Variants in KLHL5 observed in about 807,000 individuals in gnomAD.
KLHL5 encodes kelch-like protein 5.
A neutral mutation model predicts 77.7 loss-of-function variants in KLHL5; 48 were observed. The ratio of observed to expected loss-of-function variants is 0.62; its 90% CI spans 0.49 to 0.79. The LOEUF (loss-of-function observed/expected upper bound fraction) is 0.79. Ranked by LOEUF, KLHL5 falls within the 30% of genes least tolerant of loss-of-function variation. KLHL5 has a pLI of 0.00. For synonymous variants in KLHL5, 260 were observed against 297.0 expected (o/e 0.88, Z 1.28); for missense variants, 723 against 859.7 (o/e 0.84, Z 1.99).
At position 39,076,015 on chromosome 4, in the gene KLHL5, G is replaced by T; in HGVS notation, c.434G>T (p.Cys145Phe). 6.2e-7 allele frequency: 1 copy of T among 1,612,532 alleles called. No individual in the cohort carries two copies. Among genetic ancestry groups the T allele is most frequent in the Non-Finnish European group, 8.5e-7 (1 of 1,179,538 alleles). Reference sequence around the variant, plus strand: ...TCATCCTGTCATACTATGGAGCCATGTACATCAGATGAATTTTTCCAAGCC... The same window carrying T: ...TCATCCTGTCATACTATGGAGCCATTTACATCAGATGAATTTTTCCAAGCC... The part of the protein sequence containing the change: ...TLSSCHTMEP[C>F]TSDEFFQALN... Residue 145 changes from cysteine (C) to phenylalanine (F), a missense_variant, in exon 2 of 11, where the codon TGT becomes TTT. Physicochemically the swap from Cys to Phe is radical, Grantham distance 205. Coordinates refer to ENST00000504108, the MANE Select transcript of KLHL5 (RefSeq NM_015990.5).
chr4:39,088,208 G>T (rs184287326), intron 5 of KLHL5, among the ~76,000 whole-genome samples: 2 of 152,134 alleles, frequency 1.3e-5, no homozygotes, highest in African/African-American at 4.8e-5. Flanking sequence ...TGTAGTTTCA[G>T]ATATTTATGA....
intron 6 of KLHL5, among the ~76,000 whole-genome samples, chr4:39,102,831 G>A (rs561497920): frequency 6.6e-6 from 1 of 152,112 alleles, no homozygotes; most frequent in East Asian, 1.9e-4. Flanking sequence ...TCCCAGTCAC[G>A]TCTCAACCAC....
chr4:39,062,387 G>C lies in KLHL5; in HGVS notation c.-266G>C. The C allele has an allele frequency of 1.4e-6, 2 of 1,451,688 alleles. No individual in the cohort carries two copies. The highest frequency in any genetic ancestry group is 2.5e-5 in the East Asian group (1 of 40,236). 89.9% of individuals were successfully genotyped at this position (1,451,688 alleles called of 1,614,324 possible). On this transcript the variant is annotated 5_prime_UTR_variant, in exon 1 of 11. Transcript: ENST00000504108. ...GGAGAGCCGGGAAAGTGGTCTAGCT[G>C]CTTCAGGATAGGTGGATGAGAGTTT...
chr4:39,119,801 A>G (rs1723087777), intron 10 of KLHL5, among the ~76,000 whole-genome samples: 1 of 152,236 alleles, frequency 6.6e-6, no homozygotes, highest in South Asian at 2.1e-4. Context: ...TCAGCTATTC[A>G]CAATGTAGAG....
At chr4:39,132,259 G>T in the KLHL5 span, among the ~76,000 whole-genome samples, 4 of 152,118 alleles carry the variant, frequency 2.6e-5, no homozygotes, top group African/African-American at 7.2e-5. Context: ...CCAGATTCAC[G>T]TTACTTGAAA....
intron 5 of KLHL5, among the ~76,000 whole-genome samples, chr4:39,088,790 A>G (rs1720272190): frequency 6.6e-6 from 1 of 152,214 alleles, no homozygotes; most frequent in African/African-American, 2.4e-5. Context: ...AAGAGGGGGC[A>G]TGATAACCAG....
In KLHL5 at chr4:39,125,662, GA is replaced by G. The variant is rs1723497155; in HGVS notation, c.*4599del. Among the ~76,000 whole-genome samples, 3 of 152,324 alleles carry G rather than the reference GA, an allele frequency of 2.0e-5. No homozygotes were observed. In the South Asian group the frequency reaches 6.2e-4, roughly 32 times the overall value. On this transcript the variant is annotated 3_prime_UTR_variant, in exon 11 of 11. Coordinates refer to ENST00000504108, the MANE Select transcript of KLHL5 (RefSeq NM_015990.5). The stretch of plus-strand genomic sequence containing the variant: ...CAAAATAGGCAAATCCATGGAGACA[GA>G]AAGCAGATAAATGGTTGTAAGAAGC...
intron 2 of KLHL5, among the ~76,000 whole-genome samples, chr4:39,078,334 C>T (rs541463184): frequency 5.9e-5 from 9 of 151,790 alleles, no homozygotes; most frequent in East Asian, 3.9e-4. Context: ...TGCAGTGAAC[C>T]GAGATCACGC....
chr4:39,065,493 AC>A (rs1307285372), intron 1 of KLHL5, among the ~76,000 whole-genome samples: 7 of 151,884 alleles, frequency 4.6e-5, no homozygotes, highest in African/African-American at 1.4e-4. Flanking sequence ...ATCTGGGACT[AC>A]AGACATGTGC....
At chr4:39,065,387 G>A (rs1041964446) in intron 1 of KLHL5, among the ~76,000 whole-genome samples, 9 of 143,284 alleles carry the variant, frequency 6.3e-5, no homozygotes, top group East Asian at 2.0e-4. Context: ...ACAGAGTCTC[G>A]CTCTGTTACC....
intron 5 of KLHL5, among the ~76,000 whole-genome samples, chr4:39,087,960 T>TA (rs1720201150): frequency 6.6e-6 from 1 of 152,190 alleles, no homozygotes; most frequent in Non-Finnish European, 1.5e-5. Flanking sequence ...TCTTCAGAAA[T>TA]AGAATATTGT....
At chr4:39,110,693 C>A (rs1034084162) in intron 8 of KLHL5, among the ~76,000 whole-genome samples, 1 of 152,092 alleles carries the variant, frequency 6.6e-6, no homozygotes, top group Admixed American at 6.5e-5. Flanking sequence ...GTCTCAAATA[C>A]CTGGGCCTAA....
At chr4:39,047,489 A>G (rs969842875) in intron 1 of KLHL5, among the ~76,000 whole-genome samples, 1 of 152,228 alleles carries the variant, frequency 6.6e-6, no homozygotes, top group African/African-American at 2.4e-5. Context: ...ACTGAGGTTT[A>G]ATGAGAATTG....
intron 10 of KLHL5, chr4:39,120,425 C>T (rs1723135430): frequency 1.3e-5 from 2 of 152,346 alleles, no homozygotes; most frequent in African/African-American, 4.8e-5. Flanking sequence ...TTTCCACTCC[C>T]AGGGGAGTTG....
intron 5 of KLHL5, among the ~76,000 whole-genome samples, chr4:39,090,516 T>C (rs990375922): frequency 2.1e-4 from 32 of 151,352 alleles, no homozygotes; most frequent in African/African-American, 7.3e-4. Context: ...TGGCACAATC[T>C]CATCTCACTG....
intron 1 of KLHL5, among the ~76,000 whole-genome samples, chr4:39,075,335 CAAA>C (rs10718590): frequency 6.4e-5 from 9 of 139,892 alleles, no homozygotes; most frequent in African/African-American, 5.2e-5. Flanking sequence ...CCGTCTCAAA[CAAA>C]AAAAAAAAAA....
chr4:39,101,316 C>G (rs547876725), intron 6 of KLHL5, among the ~76,000 whole-genome samples: 2 of 151,526 alleles, frequency 1.3e-5, no homozygotes, highest in South Asian at 4.2e-4. Context: ...AGATGATTAG[C>G]TTTTTATTTG....
upstream of KLHL5, among the ~76,000 whole-genome samples, chr4:39,061,308 T>TC (rs1200784566): frequency 6.6e-6 from 1 of 152,234 alleles, no homozygotes; most frequent in African/African-American, 2.4e-5. Flanking sequence ...TCAGCTTAGA[T>TC]AGGCATTGCC....
chr4:39,126,848 T>C (rs1476818506), downstream of KLHL5: 1 of 410,502 alleles, frequency 2.4e-6, no homozygotes, highest in Non-Finnish European at 4.8e-6. Flanking sequence ...TTACCAAAAA[T>C]GTATTTAATG....
Sources: gnomAD v4.1 joint callset for allele counts (sites outside exome capture counted in the v4.1 genomes callset) on GRCh38, gnomAD v4.1.1 for gene constraint, MANE v1.5 for transcripts, NCBI Gene and HGNC (gene_info 2026-07-23, HGNC 2026-07-21) for gene names.